Variants in NRG1 observed in about 807,000 individuals in gnomAD.
NRG1 encodes pro-neuregulin-1, membrane-bound isoform.
Under a neutral mutation model 63.8 loss-of-function variants are expected in NRG1, and 18 were observed. The observed-to-expected ratio is 0.28, with a 90% CI of 0.19 to 0.42. The LOEUF is 0.42. NRG1 is among the 10% of genes least tolerant of loss of function. The pLI is 1.00. For synonymous variants in NRG1, 302 were observed against 301.3 expected (o/e 1.00, Z -0.02); for missense variants, 762 against 814.7 (o/e 0.94, Z 0.79).
chr8:31,784,287 C>T (rs1464905674), intron 1 of NRG1, among the ~76,000 whole-genome samples: 4 of 152,206 alleles, frequency 2.6e-5, no homozygotes, highest in Non-Finnish European at 5.9e-5. Context: ...TAAACACTCA[C>T]TACTTGTTAA....
chr8:32,512,715 A>G lies in NRG1; in HGVS notation c.38-83113A>G, dbSNP rs1829358318. Among the ~76,000 whole-genome samples, 4 of 152,194 alleles carry G rather than the reference A, an allele frequency of 2.6e-5. No individual in the cohort carries two copies. In the South Asian group the frequency reaches 8.3e-4, roughly 31 times the overall value. On this transcript the variant is annotated intron_variant, in intron 1 of 10. Transcript: ENST00000519301. ...CCAGGCAGGGTGGTTTCAATACTTC[A>G]GTCTTAGACATAATACCATATTGCC... is the stretch of plus-strand genomic sequence containing the variant.
intron 5 of NRG1, among the ~76,000 whole-genome samples, chr8:32,703,738 A>T (rs534921419): frequency 6.6e-6 from 1 of 152,204 alleles, no homozygotes; most frequent in Non-Finnish European, 1.5e-5. Context: ...TGTTCACAAC[A>T]TGTATGGTCT....
In NRG1 at chr8:31,664,858, T is replaced by C. The variant is rs558352276; in HGVS notation, c.37+25427T>C. The stretch of plus-strand genomic sequence containing the variant: ...TGGTACTATGGAAGATAAAGTGATA[T>C]GGAAAGCATGATCAGTGACCAGTGG... On this transcript the variant is annotated intron_variant, in intron 1 of 10. Transcript: ENST00000519301. 6.6e-5 allele frequency among the ~76,000 whole-genome samples: 10 copies of C among 152,318 alleles called. No homozygotes were observed. In the South Asian group the frequency reaches 1.7e-3, roughly 25 times the overall value.
intron 1 of NRG1, among the ~76,000 whole-genome samples, chr8:32,532,265 T>C (rs1222541282): frequency 6.6e-6 from 1 of 152,204 alleles, no homozygotes; most frequent in Non-Finnish European, 1.5e-5. Context: ...TTGGCTTATA[T>C]CCATTTACTT....
At chr8:32,642,837 G>A (rs1852688811) in intron 5 of NRG1, among the ~76,000 whole-genome samples, 1 of 152,110 alleles carries the variant, frequency 6.6e-6, no homozygotes, top group African/African-American at 2.4e-5. Flanking sequence ...CAGGAAAAAA[G>A]TCAAAGAGAA....
At chr8:32,100,546 T>C (rs1013792821) in intron 1 of NRG1, among the ~76,000 whole-genome samples, 2 of 151,724 alleles carry the variant, frequency 1.3e-5, no homozygotes, top group South Asian at 4.2e-4. Flanking sequence ...CACAATACTT[T>C]TTTTTTTTAT....
intron 6 of NRG1, among the ~76,000 whole-genome samples, chr8:32,731,539 A>G (rs1351763317): frequency 6.6e-6 from 1 of 152,168 alleles, no homozygotes; most frequent in African/African-American, 2.4e-5. Context: ...CTTTATTCAC[A>G]TATTAAAGCA....
intron 1 of NRG1, among the ~76,000 whole-genome samples, chr8:32,409,654 T>C (rs1350094169): frequency 1.3e-5 from 2 of 152,114 alleles, no homozygotes; most frequent in African/African-American, 4.8e-5. Context: ...CAGGTACAGT[T>C]AATGGAAAGT....
chr8:32,261,363 G>GTC (rs1460723368), intron 1 of NRG1, among the ~76,000 whole-genome samples: 9 of 132,282 alleles, frequency 6.8e-5, no homozygotes, highest in African/African-American at 3.1e-4. Flanking sequence ...CTATTAGTGT[G>GTC]TGTGTGTGTG....
At chr8:32,769,436 G>T (rs888071321), downstream of NRG1, among the ~76,000 whole-genome samples, 2 of 152,146 alleles carry the variant, frequency 1.3e-5, no homozygotes, top group African/African-American at 4.8e-5. Context: ...GCAAACCTGA[G>T]TCTTTCTAAC....
chr8:32,585,197 T>C (rs117304358), intron 1 of NRG1, among the ~76,000 whole-genome samples: 3,263 of 142,054 alleles, frequency 0.023, 50 homozygotes, highest in Middle Eastern at 0.061. Flanking sequence ...GTATGTATAA[T>C]GCATAAGAAA....
intron 1 of NRG1, among the ~76,000 whole-genome samples, chr8:31,941,027 A>C (rs572425070): frequency 1.3e-5 from 2 of 152,082 alleles, no homozygotes; most frequent in Non-Finnish European, 2.9e-5. Context: ...TAGAGAAAGA[A>C]GGAATACTCT....
chr8:32,549,338 C>T (rs912512279), intron 1 of NRG1, among the ~76,000 whole-genome samples: 1 of 152,238 alleles, frequency 6.6e-6, no homozygotes, highest in Non-Finnish European at 1.5e-5. Context: ...GGGAAGTTAG[C>T]TTCGGCGTTT....
chr8:31,758,739 A>G (rs922995515), intron 1 of NRG1, among the ~76,000 whole-genome samples: 1 of 152,174 alleles, frequency 6.6e-6, no homozygotes, highest in African/African-American at 2.4e-5. Context: ...ACATTCATGT[A>G]CAATTTTTTA....
chr8:32,359,236 A>T (rs566202690), intron 1 of NRG1, among the ~76,000 whole-genome samples: 2 of 152,208 alleles, frequency 1.3e-5, no homozygotes, highest in Non-Finnish European at 2.9e-5. Flanking sequence ...TTAATTAGAT[A>T]AGGAAAGCAT....
chr8:32,563,204 T>G lies in NRG1; in HGVS notation c.100+14378T>G, dbSNP rs1588331457. On this transcript the variant is annotated intron_variant, in intron 1 of 11. Transcript: ENST00000356819. ...TGGCCCAAGATAATTCTTCTTCCAA[T>G]GTGGCCCAGGGAAGCCAAAATATTG... 2.0e-5 allele frequency among the ~76,000 whole-genome samples: 3 copies of G among 152,214 alleles called. No individual in the cohort carries two copies. In the East Asian group the frequency reaches 5.8e-4, roughly 29 times the overall value.
At chr8:32,505,878 A>G (rs531678088) in intron 1 of NRG1, among the ~76,000 whole-genome samples, 6 of 152,314 alleles carry the variant, frequency 3.9e-5, no homozygotes, top group Non-Finnish European at 8.8e-5. Context: ...AAATTTTGCT[A>G]GTGTTTTTTA....
In NRG1 at chr8:31,747,171, G is replaced by A. The variant is rs1024048546; in HGVS notation, c.37+107740G>A. 2.0e-5 allele frequency among the ~76,000 whole-genome samples: 3 copies of A among 151,978 alleles called. No homozygotes were observed. In the South Asian group the frequency reaches 6.2e-4, roughly 31 times the overall value. On this transcript the variant is annotated intron_variant, in intron 1 of 10. Coordinates refer to the NRG1 transcript ENST00000519301. The stretch of plus-strand genomic sequence containing the variant: ...ATTTTAAAATAACCTGAAGAGTGCA[G>A]TTGGATTCTTTGTAACCCACAGGAT...
At chr8:32,112,047 A>C (rs1439156363) in intron 1 of NRG1, among the ~76,000 whole-genome samples, 1 of 152,202 alleles carries the variant, frequency 6.6e-6, no homozygotes, top group Admixed American at 6.5e-5. Context: ...CATGAAGTTA[A>C]ACAGTAATAA....
Sources: gnomAD v4.1 joint callset for allele counts (sites outside exome capture counted in the v4.1 genomes callset) on GRCh38, gnomAD v4.1.1 for gene constraint, MANE v1.5 for transcripts, NCBI Gene and HGNC (gene_info 2026-07-23, HGNC 2026-07-21) for gene names.